Variants in WDPCP observed in about 807,000 individuals in gnomAD.
WDPCP encodes the protein WD repeat-containing and planar cell polarity effector protein fritz homolog.
WDPCP carries 71 observed loss-of-function variants against 93.1 expected under a neutral mutation model. That is an observed-to-expected ratio of 0.76 (90% confidence interval 0.63 to 0.93). The LOEUF (loss-of-function observed/expected upper bound fraction) is 0.93. Ranked by LOEUF, WDPCP falls within the 40% of genes least tolerant of loss-of-function variation. WDPCP has a pLI of 0.00. For synonymous variants in WDPCP, 315 were observed against 315.0 expected, an observed-to-expected ratio of 1.00 and a Z score of 0.00; for missense variants, 844 against 887.4, an observed-to-expected ratio of 0.95 and a Z score of 0.62.
At chr2:63,365,136 G>T (rs1381035654) in intron 12 of WDPCP, among the ~76,000 whole-genome samples, 1 of 152,150 alleles carries the variant, frequency 6.6e-6, no homozygotes, top group African/African-American at 2.4e-5. Context: ...GACTTAAATA[G>T]TGTTGTTGTA....
chr2:63,529,407 CAG>C (rs1167208110), intron 1 of WDPCP, among the ~76,000 whole-genome samples: 2 of 152,112 alleles, frequency 1.3e-5, no homozygotes, highest in Non-Finnish European at 2.9e-5. Context: ...CTAGTTTATT[CAG>C]AGTTTTTAGC....
chr2:63,266,757 G>A (rs924619080), intron 13 of WDPCP, among the ~76,000 whole-genome samples: 1 of 152,064 alleles, frequency 6.6e-6, no homozygotes. Flanking sequence ...CGTCAGTCAA[G>A]ATCACTCCAC....
At chr2:63,690,428 T>C (rs1355418813) in intron 2 of WDPCP, among the ~76,000 whole-genome samples, 1 of 152,114 alleles carries the variant, frequency 6.6e-6, no homozygotes, top group Non-Finnish European at 1.5e-5. Context: ...CTTAGGAACA[T>C]CCTAGCCTTC....
At chr2:63,588,547 C>A (rs911629039), upstream of WDPCP, 3 of 579,672 alleles carry the variant, frequency 5.2e-6, no homozygotes, top group African/African-American at 3.7e-5. Context: ...TCCAGCTTTA[C>A]GCAGCGGAAG....
At chr2:63,681,737 A>C (rs1186018416) in intron 2 of WDPCP, among the ~76,000 whole-genome samples, 1 of 152,206 alleles carries the variant, frequency 6.6e-6, no homozygotes, top group Admixed American at 6.5e-5. Flanking sequence ...ACAAGATTCA[A>C]TACTATGCTG....
At chr2:63,198,432 G>A (rs1225539673) in intron 14 of WDPCP, among the ~76,000 whole-genome samples, 1 of 152,040 alleles carries the variant, frequency 6.6e-6, no homozygotes, top group Non-Finnish European at 1.5e-5. Context: ...ACTTGTGGAT[G>A]CCAGGGAAAA....
chr2:63,410,331 C>T (rs1216108217), intron 9 of WDPCP, among the ~76,000 whole-genome samples: 2 of 152,108 alleles, frequency 1.3e-5, no homozygotes, highest in East Asian at 1.9e-4. Flanking sequence ...GAGAATTTGC[C>T]ACTACCAAGC....
At chr2:63,773,107 C>T (rs953720240) in intron 2 of WDPCP, among the ~76,000 whole-genome samples, 1 of 151,892 alleles carries the variant, frequency 6.6e-6, no homozygotes, top group Non-Finnish European at 1.5e-5. Flanking sequence ...ATATATATAT[C>T]CAATAAAATA....
chr2:63,380,579 C>T (rs1180367963), intron 11 of WDPCP, among the ~76,000 whole-genome samples: 1 of 151,984 alleles, frequency 6.6e-6, no homozygotes, highest in Admixed American at 6.6e-5. Context: ...GAAAAATTAG[C>T]TGGGTGTGTG....
intron 14 of WDPCP, among the ~76,000 whole-genome samples, chr2:63,176,830 G>A (rs561661439): frequency 6.6e-6 from 1 of 152,148 alleles, no homozygotes; most frequent in Non-Finnish European, 1.5e-5. Flanking sequence ...AGAAATCATT[G>A]TCATATCCAA....
intron 1 of WDPCP, among the ~76,000 whole-genome samples, chr2:63,510,962 CA>C (rs1260857211): frequency 6.6e-6 from 1 of 152,138 alleles, no homozygotes; most frequent in Admixed American, 6.5e-5. Flanking sequence ...GATGACAGAG[CA>C]AGACACCGTC....
At chr2:63,271,426 G>A (rs1265021531) in intron 13 of WDPCP, among the ~76,000 whole-genome samples, 1 of 152,188 alleles carries the variant, frequency 6.6e-6, no homozygotes, top group Admixed American at 6.5e-5. Context: ...ACATTAAGGA[G>A]CTTCAGGACT....
chr2:63,221,955 G>C (rs540789028), intron 14 of WDPCP, among the ~76,000 whole-genome samples: 1 of 152,236 alleles, frequency 6.6e-6, no homozygotes, highest in South Asian at 2.1e-4. Context: ...CTTTGAGGAG[G>C]GGTGCGGGCT....
At chr2:63,445,033 T>A (rs6546006) in intron 6 of WDPCP, among the ~76,000 whole-genome samples, 1 of 152,104 alleles carries the variant, frequency 6.6e-6, no homozygotes, top group African/African-American at 2.4e-5. Context: ...AGTACTTAGA[T>A]TGGGGATTAA....
intron 2 of WDPCP, among the ~76,000 whole-genome samples, chr2:63,799,822 T>A (rs559151050): frequency 4.3e-4 from 66 of 152,274 alleles, no homozygotes; most frequent in African/African-American, 1.6e-3. Flanking sequence ...AAAGTTTTCA[T>A]TAGCCCAGCA....
chr2:63,193,270 T>A (rs946778885), intron 14 of WDPCP, among the ~76,000 whole-genome samples: 4 of 152,082 alleles, frequency 2.6e-5, no homozygotes, highest in African/African-American at 9.7e-5. Flanking sequence ...TTTATTTTTT[T>A]CCAAAAAAAG....
intron 13 of WDPCP, among the ~76,000 whole-genome samples, chr2:63,292,394 C>G (rs1255263579): frequency 6.6e-6 from 1 of 151,444 alleles, no homozygotes; most frequent in East Asian, 1.9e-4. Context: ...CACAACAGAA[C>G]AAAAAATTGT....
chr2:63,632,194 C>T (rs1241746887), intron 3 of WDPCP, among the ~76,000 whole-genome samples: 1 of 152,136 alleles, frequency 6.6e-6, no homozygotes, highest in Non-Finnish European at 1.5e-5. Flanking sequence ...TCTTTCCCCA[C>T]AAAAACCAAT....
intron 1 of WDPCP, among the ~76,000 whole-genome samples, chr2:63,573,532 T>C (rs1355456201): frequency 6.6e-6 from 1 of 152,230 alleles, no homozygotes; most frequent in African/African-American, 2.4e-5. Context: ...TGCCCGTTTT[T>C]ACTTTAATCT....
Sources: allele counts gnomAD v4.1 joint callset (sites outside exome capture counted in the v4.1 genomes callset), GRCh38; gene constraint gnomAD v4.1.1; transcripts MANE v1.5; gene names NCBI Gene and HGNC (gene_info 2026-07-23, HGNC 2026-07-21).